Variants in TM7SF3 observed in about 807,000 individuals in gnomAD.
TM7SF3 encodes the protein seven span transmembrane protein.
Under a neutral mutation model 65.5 loss-of-function variants are expected in TM7SF3, and 60 were observed. The observed-to-expected ratio is 0.92, with a 90% CI of 0.74 to 1.14. The LOEUF (loss-of-function observed/expected upper bound fraction) is 1.14, where lower values mean the gene tolerates loss of function less well. Among genes scored for constraint, TM7SF3 ranks in the 50% most tolerant of loss-of-function variants. The probability of loss-of-function intolerance (pLI) is 0.00; values close to 1 mark genes in which losing one functional copy is unlikely to be tolerated. For missense variants in TM7SF3, 623 were observed against 684.8 expected (o/e 0.91, Z 1.01); for synonymous variants, 264 against 259.6 (o/e 1.02, Z -0.16).
intron 6 of TM7SF3, among the ~76,000 whole-genome samples, chr12:26,987,435 A>G (rs1257539491): frequency 2.0e-5 from 3 of 152,158 alleles, no homozygotes; most frequent in Non-Finnish European, 4.4e-5. Flanking sequence ...CCCCTCATCC[A>G]ATCCATCAGT....
In TM7SF3 at chr12:26,975,631, C is replaced by T; in HGVS notation, c.1315G>A (p.Gly439Ser). 1 of 1,613,274 alleles carries T rather than the reference C, an allele frequency of 6.2e-7. No homozygotes were observed. The highest frequency in any genetic ancestry group is 8.5e-7 in the Non-Finnish European group (1 of 1,179,904). The change falls in exon 11 of 12, where the codon GGC becomes AGC. Residue 439 changes from glycine (G) to serine (S), a missense_variant. By Grantham distance (56) the Gly-to-Ser change is moderately conservative (BLOSUM62 0). Transcript: ENST00000343028. ...ILNILTCGVIGSYSVVLAIDS... is the reference protein window; with the variant it reads ...ILNILTCGVISSYSVVLAIDS... Reference sequence around the variant, plus strand: ...ATGGCTAAAACCACCGAATAGGAGCCAATGACTCCACAAGTCAGTATGTTC... The same window carrying T: ...ATGGCTAAAACCACCGAATAGGAGCTAATGACTCCACAAGTCAGTATGTTC...
intron 7 of TM7SF3, 123 bp from the exon 8 acceptor site, chr12:26,980,769 C>A: frequency 1.8e-6 from 1 of 541,674 alleles, no homozygotes; most frequent in Non-Finnish European, 3.2e-6. Flanking sequence ...CTGGAATTTA[C>A]ATGTTACAGC....
At position 26,975,568 on chromosome 12, in the gene TM7SF3, A is replaced by G; in HGVS notation, c.1378T>C (p.Leu460=). The G allele has an allele frequency of 6.2e-7, 1 of 1,614,180 alleles. No homozygotes were observed. Among genetic ancestry groups the G allele is most frequent in the Non-Finnish European group, 8.5e-7 (1 of 1,180,004 alleles). The part of the protein sequence containing the change: ...YWSTSLSYIT[L]NVLKRALNKD... ...TTGAGCGCTCTCTTGAGTACGTTCA[A>G]AGTGATGTAGGAAAGGCTTGTGGAC... Residue 460 remains leucine (L), a synonymous_variant, in exon 11 of 12, where the codon TTG becomes CTG. Transcript: ENST00000343028.
intron 2 of TM7SF3, among the ~76,000 whole-genome samples, chr12:27,001,455 A>C (rs772843583): frequency 1.3e-5 from 2 of 152,208 alleles, no homozygotes; most frequent in Admixed American, 6.5e-5. Flanking sequence ...AACCAAACAC[A>C]GGGGTTCCTA....
In TM7SF3 at chr12:26,973,804, T is replaced by TC. The variant is rs1282776844; in HGVS notation, c.*160dup. On this transcript the variant is annotated 3_prime_UTR_variant, in exon 12 of 12. Coordinates refer to ENST00000343028, the MANE Select transcript of TM7SF3 (RefSeq NM_016551.3). ...TCTCATTCTCTTACAATCATCCTAA[T>TC]CCCCTAGTACACCCTTACCATATAT... 1 of 872,048 alleles carries TC rather than the reference T, an allele frequency of 1.1e-6. No individual in the cohort carries two copies. The highest frequency in any genetic ancestry group is 1.7e-5 in the African/African-American group (1 of 59,086). 54.0% of individuals were successfully genotyped at this position (872,048 alleles called of 1,614,324 possible).
intron 5 of TM7SF3, among the ~76,000 whole-genome samples, chr12:26,991,137 A>C (rs1940338370): frequency 7.1e-6 from 1 of 141,106 alleles, no homozygotes. Flanking sequence ...ATGTAGTAGT[A>C]GTTCTTTTTT....
At chr12:26,979,164 AGAAAG>A (rs1939698095) in intron 9 of TM7SF3, 1 of 152,296 alleles carries the variant, frequency 6.6e-6, no homozygotes, top group Admixed American at 6.5e-5. Context: ...ACATTGTCAC[AGAAAG>A]GAAACAACCA....
intron 7 of TM7SF3, among the ~76,000 whole-genome samples, chr12:26,982,166 C>T (rs1053205724): frequency 3.3e-5 from 5 of 152,170 alleles, no homozygotes; most frequent in Non-Finnish European, 7.4e-5. Context: ...CCCCATGTAG[C>T]TGGGACTACA....
rs144677141 is a variant in TM7SF3 at position 26,976,453 on chromosome 12, T to C, written c.1190-96A>G. 467 of 749,318 alleles carry C rather than the reference T, an allele frequency of 6.2e-4. 1 individual carries two copies. In the African/African-American group the frequency reaches 7.6e-3, roughly 12 times the overall value. 46.4% of individuals were successfully genotyped at this position (749,318 alleles called of 1,614,324 possible). On this transcript the variant is annotated intron_variant, in intron 9 of 11. Coordinates refer to ENST00000343028, the MANE Select transcript of TM7SF3 (RefSeq NM_016551.3). ...TGAACACAGATATACATCAAAGCCT[T>C]AAAGTAACAACCAGGGAATATGTTG...
At chr12:26,980,017 A>G in intron 8 of TM7SF3, 81 bp from the exon 9 acceptor site, 2 of 1,537,456 alleles carry the variant, frequency 1.3e-6, no homozygotes, top group Non-Finnish European at 1.8e-6. Flanking sequence ...TACCGTTACC[A>G]GTGCCAGCTT....
chr12:26,998,148 G>A (rs1940679985), intron 3 of TM7SF3, among the ~76,000 whole-genome samples: 1 of 152,006 alleles, frequency 6.6e-6, no homozygotes, highest in African/African-American at 2.4e-5. Flanking sequence ...CCTTTTAAAG[G>A]CAGAAACTCC....
chr12:27,012,706 T>C (rs1490509783), intron 1 of TM7SF3: 3 of 455,968 alleles, frequency 6.6e-6, no homozygotes, highest in Non-Finnish European at 1.3e-5. Flanking sequence ...TGAACAAGAA[T>C]TACCTGAAAT....
intron 1 of TM7SF3, among the ~76,000 whole-genome samples, 193 bp downstream of exon 1, chr12:27,013,885 T>A (rs1419413785): frequency 6.6e-6 from 1 of 152,168 alleles, no homozygotes; most frequent in Non-Finnish European, 1.5e-5. Context: ...AGGTTAATAG[T>A]AAGACCTCCT....
At chr12:27,013,559 T>G (rs1941328526) in intron 1 of TM7SF3, among the ~76,000 whole-genome samples, 2 of 152,342 alleles carry the variant, frequency 1.3e-5, no homozygotes, top group South Asian at 4.1e-4. Context: ...ATAAATTAGA[T>G]GGTAAAGGCT....
chr12:26,985,283 G>A (rs1006932835), intron 6 of TM7SF3, among the ~76,000 whole-genome samples: 3 of 152,016 alleles, frequency 2.0e-5, no homozygotes, highest in Non-Finnish European at 2.9e-5. Flanking sequence ...GATCACTTGA[G>A]GCCAGGAGTT....
Position 27,014,230 on chromosome 12 carries a change from G to C in TM7SF3, c.-62C>G. On this transcript the variant is annotated 5_prime_UTR_variant, in exon 1 of 12. Coordinates refer to ENST00000343028, the MANE Select transcript of TM7SF3 (RefSeq NM_016551.3). Reference sequence around the variant, plus strand: ...GGGAGAGGTGCGGGCGTGCGCGCCGGGGCCCCGCAGCCTCGCCCACGCTAT... The same window carrying C: ...GGGAGAGGTGCGGGCGTGCGCGCCGCGGCCCCGCAGCCTCGCCCACGCTAT... 6.0e-6 allele frequency: 9 copies of C among 1,496,942 alleles called. No individual in the cohort carries two copies. Among genetic ancestry groups the C allele is most frequent in the African/African-American group, 2.8e-5 (2 of 70,468 alleles). 92.7% of individuals were successfully genotyped at this position (1,496,942 alleles called of 1,614,324 possible). A position where few individuals can be genotyped will look rare whatever the true frequency, so the allele number is the denominator to read the frequency against.
intron 1 of TM7SF3, among the ~76,000 whole-genome samples, chr12:27,007,711 C>T (rs1009048253): frequency 6.6e-6 from 1 of 152,162 alleles, no homozygotes; most frequent in Non-Finnish European, 1.5e-5. Flanking sequence ...ATTCTAGCAT[C>T]TTAGTGGTCC....
At chr12:27,009,309 T>C (rs923723853) in intron 1 of TM7SF3, among the ~76,000 whole-genome samples, 7 of 152,186 alleles carry the variant, frequency 4.6e-5, no homozygotes, top group African/African-American at 7.2e-5. Context: ...GGGATTTTGA[T>C]TGGGATGGCC....
At chr12:26,999,395 C>CAAA in intron 3 of TM7SF3, 131 bp downstream of exon 3, 42 of 863,766 alleles carry the variant, frequency 4.9e-5, no homozygotes, top group East Asian at 1.3e-4. Context: ...GACTCCATCT[C>CAAA]AAAAAAAAAA....
Sources: gnomAD v4.1 joint callset for allele counts (sites outside exome capture counted in the v4.1 genomes callset) on GRCh38, gnomAD v4.1.1 for gene constraint, MANE v1.5 for transcripts, NCBI Gene and HGNC (gene_info 2026-07-23, HGNC 2026-07-21) for gene names.